The following TTC27 variants were observed in gnomAD, a reference collection of about 807,000 sequenced individuals.
TTC27 encodes the protein tetratricopeptide repeat protein 27.
A neutral mutation model predicts 115.9 loss-of-function variants in TTC27; 79 were observed. The ratio of observed to expected loss-of-function variants is 0.68; its 90% CI spans 0.57 to 0.82. The LOEUF (loss-of-function observed/expected upper bound fraction) is 0.82, where lower values mean the gene tolerates loss of function less well. TTC27 is among the 40% of genes least tolerant of loss of function. The pLI is 0.00. For synonymous variants in TTC27, 401 were observed against 356.0 expected (o/e 1.13, Z -1.42); for missense variants, 1,054 against 993.1 (o/e 1.06, Z -0.82).
intron 4 of TTC27, 69 bp downstream of exon 4, chr2:32,640,479 T>G: frequency 6.9e-7 from 1 of 1,459,428 alleles, no homozygotes; most frequent in Non-Finnish European, 9.4e-7. Context: ...AGGCTGTAGA[T>G]GTGTTGCTGA....
intron 16 of TTC27, among the ~76,000 whole-genome samples, chr2:32,789,035 A>C (rs1224754853): frequency 6.6e-6 from 1 of 152,210 alleles, no homozygotes; most frequent in Non-Finnish European, 1.5e-5. Context: ...TTATACTGTC[A>C]TAAGCTATGT....
At position 32,723,728 on chromosome 2, in the gene TTC27, C is replaced by CTCCCTCCCTCCGTCCTTCCT. The variant is rs1454826952; in HGVS notation, c.1234-10097_1234-10096insCTCCCTCCGTCCTTCCTTCC. On this transcript the variant is annotated intron_variant, in intron 10 of 19. Transcript: ENST00000317907. ...CCTCCCTCCCTCCCTCCCTCCCTCCCTCCTTCCTTCCTTCCTTCCTTCCTT... is the reference window on the plus strand; with the variant it reads ...CCTCCCTCCCTCCCTCCCTCCCTCCCTCCCTCCCTCCGTCCTTCCTTCCTTCCTTCCTTCCTTCCTTCCTT... 3.6e-3 allele frequency among the ~76,000 whole-genome samples: 105 copies of CTCCCTCCCTCCGTCCTTCCT among 29,526 alleles called. 5 individuals carry two copies. Among genetic ancestry groups the CTCCCTCCCTCCGTCCTTCCT allele is most frequent in the African/African-American group, 0.017 (102 of 5,834 alleles). 19.4% of individuals were successfully genotyped at this position (29,526 alleles called of 152,430 possible). A position where few individuals can be genotyped will look rare whatever the true frequency, so the allele number is the denominator to read the frequency against.
chr2:32,754,849 A>T (rs1669155459), intron 12 of TTC27, among the ~76,000 whole-genome samples: 1 of 133,422 alleles, frequency 7.5e-6, no homozygotes, highest in Non-Finnish European at 1.6e-5. Flanking sequence ...TCCCTCCCGG[A>T]CGGGGCGGCT....
chr2:32,653,134 A>T (rs1382210404), intron 5 of TTC27, among the ~76,000 whole-genome samples: 1 of 152,202 alleles, frequency 6.6e-6, no homozygotes, highest in East Asian at 1.9e-4. Context: ...TGCTGAAAAC[A>T]TGTTATGTAT....
chr2:32,702,943 G>A (rs929369014), intron 10 of TTC27, 23 bp downstream of exon 10: 1 of 1,548,086 alleles, frequency 6.5e-7, no homozygotes. Flanking sequence ...GTGGCAATTT[G>A]TGTGCTTCTT....
chr2:32,726,503 C>T lies in TTC27; in HGVS notation c.1234-7325C>T, dbSNP rs181294703. 3.7e-4 allele frequency among the ~76,000 whole-genome samples: 56 copies of T among 152,304 alleles called. No homozygotes were observed. In the East Asian group the frequency reaches 9.5e-3, roughly 26 times the overall value. ...ACAAGAGTCACCTTTGCTCTAGTTC[C>T]CAACAAGTTCCTCATCTCCATCTGA... On this transcript the variant is annotated intron_variant, in intron 10 of 19. Transcript: ENST00000317907.
At chr2:32,641,942 A>G (rs1664666233) in intron 4 of TTC27, among the ~76,000 whole-genome samples, 1 of 151,986 alleles carries the variant, frequency 6.6e-6, no homozygotes, top group Non-Finnish European at 1.5e-5. Flanking sequence ...TGCAAGCTCC[A>G]CCTCCTGGGT....
intron 9 of TTC27, among the ~76,000 whole-genome samples, chr2:32,685,585 T>C (rs1340087669): frequency 6.6e-6 from 1 of 152,170 alleles, no homozygotes; most frequent in Admixed American, 6.5e-5. Context: ...TGGTTTAATA[T>C]GAAACAATGC....
At chr2:32,820,517 T>A (rs1049056786) in intron 19 of TTC27, among the ~76,000 whole-genome samples, 2 of 152,262 alleles carry the variant, frequency 1.3e-5, no homozygotes, top group African/African-American at 4.8e-5. Flanking sequence ...AGTTGAATTA[T>A]GTCTGTTCAT....
rs2151855412 is a variant in TTC27, at chr2:32,628,138, T to A, written c.-155T>A. 1 of 679,562 alleles carries A rather than the reference T, an allele frequency of 1.5e-6. No homozygotes were observed. 42.1% of individuals were successfully genotyped at this position (679,562 alleles called of 1,614,324 possible). On this transcript the variant is annotated 5_prime_UTR_variant, in exon 1 of 20. Coordinates refer to ENST00000317907, the MANE Select transcript of TTC27 (RefSeq NM_017735.5). ...TGTTATGGCCGCCTCCTTGAGGTAGTATCCGCACATGGAATTCTAGGGCCG... is the reference window on the plus strand; with the variant it reads ...TGTTATGGCCGCCTCCTTGAGGTAGAATCCGCACATGGAATTCTAGGGCCG...
In TTC27 at chr2:32,703,883, T is replaced by C. The variant is rs111660025; in HGVS notation, c.1233+963T>C. On this transcript the variant is annotated intron_variant, in intron 10 of 19. Transcript: ENST00000317907. Reference sequence around the variant, plus strand: ...TTATAAAGTACTGAAATTCATGTTCTCATAGTTGTAAAGGCTGGAAAGTCT... The same window carrying C: ...TTATAAAGTACTGAAATTCATGTTCCCATAGTTGTAAAGGCTGGAAAGTCT... Among the ~76,000 whole-genome samples, 1,457 of 152,344 alleles carry C rather than the reference T, an allele frequency of 9.6e-3. 12 individuals carry two copies. The highest frequency in any genetic ancestry group is 0.017 in the Middle Eastern group (5 of 294).
intron 10 of TTC27, among the ~76,000 whole-genome samples, chr2:32,719,933 T>C (rs1667867638): frequency 6.6e-6 from 1 of 152,200 alleles, no homozygotes. Context: ...AGCCCAGGCT[T>C]CTGACCTGTC....
intron 16 of TTC27, among the ~76,000 whole-genome samples, chr2:32,797,586 C>G (rs1313475443): frequency 1.3e-5 from 2 of 152,116 alleles, no homozygotes; most frequent in African/African-American, 4.8e-5. Context: ...GGACCCTTAC[C>G]TAACACTGTA....
At chr2:32,667,851 C>T (rs1256114422) in intron 7 of TTC27, among the ~76,000 whole-genome samples, 1 of 148,328 alleles carries the variant, frequency 6.7e-6, no homozygotes, top group Non-Finnish European at 1.5e-5. Flanking sequence ...GTCAGGAGTT[C>T]GAGCCCAGTC....
At chr2:32,820,713 GTAT>G (rs1671668774) in intron 19 of TTC27, 100 bp from the exon 20 acceptor site, 1 of 1,072,056 alleles carries the variant, frequency 9.3e-7, no homozygotes, top group Non-Finnish European at 1.2e-6. Context: ...TAATTGTATA[GTAT>G]TATTATGCAA....
In TTC27 at chr2:32,630,806, A is replaced by G. The variant is rs971982880; in HGVS notation, c.266+106A>G. Reference sequence around the variant, plus strand: ...TAGCAGTTGAGAAACCTTGCCTTATATTTTACTCAAGACTCATGGTGTACC... The same window carrying G: ...TAGCAGTTGAGAAACCTTGCCTTATGTTTTACTCAAGACTCATGGTGTACC... On this transcript the variant is annotated intron_variant, in intron 2 of 19. Coordinates refer to ENST00000317907, the MANE Select transcript of TTC27 (RefSeq NM_017735.5). 7 of 1,044,762 alleles carry G rather than the reference A, an allele frequency of 6.7e-6. No individual in the cohort carries two copies. In the African/African-American group the frequency reaches 1.1e-4, roughly 17 times the overall value. 64.7% of individuals were successfully genotyped at this position (1,044,762 alleles called of 1,614,324 possible). A position where few individuals can be genotyped will look rare whatever the true frequency, so the allele number is the denominator to read the frequency against.
At chr2:32,722,049 T>G (rs990165162) in intron 10 of TTC27, among the ~76,000 whole-genome samples, 2 of 152,204 alleles carry the variant, frequency 1.3e-5, no homozygotes, top group African/African-American at 2.4e-5. Flanking sequence ...ACTCTTATTA[T>G]CATCTTCACT....
At chr2:32,628,623 T>G (rs1489626079) in intron 1 of TTC27, among the ~76,000 whole-genome samples, 1 of 152,226 alleles carries the variant, frequency 6.6e-6, no homozygotes, top group East Asian at 1.9e-4. Flanking sequence ...TCTAAGCCCT[T>G]AACATGTACT....
chr2:32,696,260 A>G (rs1449362998), intron 9 of TTC27, among the ~76,000 whole-genome samples: 1 of 136,448 alleles, frequency 7.3e-6, no homozygotes, highest in Non-Finnish European at 1.7e-5. Context: ...TCTATACCAC[A>G]TTTTTGTTTA....
Sources: gnomAD v4.1 joint callset for allele counts (sites outside exome capture counted in the v4.1 genomes callset) on GRCh38, gnomAD v4.1.1 for gene constraint, MANE v1.5 for transcripts, NCBI Gene and HGNC (gene_info 2026-07-23, HGNC 2026-07-21) for gene names.